TSPAN2: variants seen among roughly 807,000 people sequenced by gnomAD.
TSPAN2 encodes the protein tetraspanin-2.
In TSPAN2, 24 loss-of-function variants were observed where a neutral mutation model predicts 33.3. The observed-to-expected ratio is 0.72, with a 90% CI of 0.52 to 1.01. The LOEUF (loss-of-function observed/expected upper bound fraction) is 1.01. Among genes scored for constraint, TSPAN2 ranks in the 50% least tolerant of loss-of-function variants. The pLI, the probability that TSPAN2 is intolerant of heterozygous loss-of-function variation, is 0.00. For missense variants in TSPAN2, 278 were observed against 281.3 expected (o/e 0.99, Z 0.08); for synonymous variants, 114 against 104.5 (o/e 1.09, Z -0.56).
intron 2 of TSPAN2, among the ~76,000 whole-genome samples, chr1:115,063,367 T>G (rs1396401764): frequency 6.6e-6 from 1 of 152,156 alleles, no homozygotes; most frequent in Non-Finnish European, 1.5e-5. Flanking sequence ...AAAACCACAA[T>G]GAGATACCAT....
chr1:115,076,384 G>T (rs1648415096), intron 1 of TSPAN2, among the ~76,000 whole-genome samples: 2 of 152,168 alleles, frequency 1.3e-5, no homozygotes, highest in Non-Finnish European at 2.9e-5. Flanking sequence ...AGGTCTGCCT[G>T]AGGGGAGGAG....
chr1:115,082,771 G>T (rs912685261), intron 1 of TSPAN2, among the ~76,000 whole-genome samples: 4 of 152,048 alleles, frequency 2.6e-5, no homozygotes, highest in African/African-American at 9.7e-5. Flanking sequence ...CCTGATCACA[G>T]GCTTCAGATT....
At position 115,057,545 on chromosome 1, in the gene TSPAN2, C is replaced by T; in HGVS notation, c.508G>A (p.Gly170Arg). The T allele has an allele frequency of 6.2e-7, 1 of 1,614,094 alleles. No homozygotes were observed. The highest frequency in any genetic ancestry group is 8.5e-7 in the Non-Finnish European group (1 of 1,179,960). ...VQPTCPKELL[G>R]HKNCIDEIET... Reference sequence around the variant, plus strand: ...CCTTGGTAGAAGCTTACCTTGTGTCCTAGAAGCTCCTTTGGGCATGTAGGT... The same window carrying T: ...CCTTGGTAGAAGCTTACCTTGTGTCTTAGAAGCTCCTTTGGGCATGTAGGT... The change falls in exon 6 of 8, where the codon GGA (glycine) becomes AGA (arginine). Residue 170 changes from glycine (G) to arginine (R), a missense_variant. Transcript: ENST00000369516.
intron 2 of TSPAN2, among the ~76,000 whole-genome samples, chr1:115,063,721 A>T (rs565671562): frequency 6.6e-6 from 1 of 152,258 alleles, no homozygotes. Context: ...AATACTATGC[A>T]GCCATAAAAA....
At chr1:115,068,933 A>G (rs149884368) in intron 2 of TSPAN2, among the ~76,000 whole-genome samples, 1 of 152,302 alleles carries the variant, frequency 6.6e-6, no homozygotes, top group Non-Finnish European at 1.5e-5. Flanking sequence ...CTGTCAGCAA[A>G]CCTGGGTTCC....
chr1:115,058,866 G>A lies in TSPAN2; in HGVS notation c.444+17C>T, dbSNP rs1395314879. ...CTTTAGAAGCTGTGATTTTAAGGAA[G>A]AAGTGAAGTTACTCACTGTTGAGTG... On this transcript the variant is annotated intron_variant, in intron 5 of 7. Coordinates refer to ENST00000369516, the MANE Select transcript of TSPAN2 (RefSeq NM_005725.6). The A allele has an allele frequency of 6.4e-7, 1 of 1,562,510 alleles. No individual in the cohort carries two copies. Among genetic ancestry groups the A allele is most frequent in the East Asian group, 2.2e-5 (1 of 44,648 alleles).
rs1245980548 is a variant in TSPAN2 at position 115,060,450 on chromosome 1, G to A, written c.345+14C>T. On this transcript the variant is annotated intron_variant, in intron 4 of 7. Coordinates refer to ENST00000369516, the MANE Select transcript of TSPAN2 (RefSeq NM_005725.6). ...TAACCATCATAGAAAAACATTATAA[G>A]TAATTTTACTTACTACCCCCTTGCC... The A allele has an allele frequency of 2.5e-6, 4 of 1,595,644 alleles. No homozygotes were observed. The highest frequency in any genetic ancestry group is 3.4e-6 in the Non-Finnish European group (4 of 1,165,792).
chr1:115,082,469 G>T (rs1648663550), intron 1 of TSPAN2, among the ~76,000 whole-genome samples: 1 of 152,188 alleles, frequency 6.6e-6, no homozygotes, highest in South Asian at 2.1e-4. Flanking sequence ...GTTGTTGTGA[G>T]GATTAAATTA....
At chr1:115,056,542 C>A (rs923588248) in intron 6 of TSPAN2, among the ~76,000 whole-genome samples, 6 of 152,330 alleles carry the variant, frequency 3.9e-5, no homozygotes, top group Admixed American at 2.6e-4. Flanking sequence ...AGGCCTCCCC[C>A]TCCCGCTTTC....
chr1:115,064,609 G>A (rs1047645359), intron 2 of TSPAN2, among the ~76,000 whole-genome samples: 12 of 152,178 alleles, frequency 7.9e-5, no homozygotes, highest in African/African-American at 2.9e-4. Flanking sequence ...AACATGCCCT[G>A]CACAAGGCAG....
At chr1:115,071,689 C>T (rs1330160923) in intron 2 of TSPAN2, among the ~76,000 whole-genome samples, 1 of 152,196 alleles carries the variant, frequency 6.6e-6, no homozygotes, top group Admixed American at 6.5e-5. Context: ...CAAAGAGCCA[C>T]ATCTAAGATT....
chr1:115,064,911 A>G (rs1469128542), intron 2 of TSPAN2, among the ~76,000 whole-genome samples: 1 of 152,172 alleles, frequency 6.6e-6, no homozygotes, highest in African/African-American at 2.4e-5. Context: ...GTTGTTCCCC[A>G]CTGTAAATGA....
At chr1:115,080,071 G>T (rs909330190) in intron 1 of TSPAN2, among the ~76,000 whole-genome samples, 1 of 152,194 alleles carries the variant, frequency 6.6e-6, no homozygotes, top group Admixed American at 6.5e-5. Flanking sequence ...GTTTAGAAGT[G>T]CTGGAGAAAT....
At chr1:115,080,796 G>A (rs1020051481) in intron 1 of TSPAN2, among the ~76,000 whole-genome samples, 7 of 152,114 alleles carry the variant, frequency 4.6e-5, no homozygotes, top group Non-Finnish European at 7.4e-5. Context: ...TAGGTTCAGC[G>A]GACCTCCTCC....
intron 2 of TSPAN2, among the ~76,000 whole-genome samples, chr1:115,068,791 C>G (rs1415688201): frequency 6.6e-6 from 1 of 152,182 alleles, no homozygotes. Context: ...TTTCTACAAA[C>G]ATGTCTATTG....
At chr1:115,053,823 C>T (rs1647283093) in intron 6 of TSPAN2, among the ~76,000 whole-genome samples, 1 of 152,204 alleles carries the variant, frequency 6.6e-6, no homozygotes, top group South Asian at 2.1e-4. Flanking sequence ...AACAATAACT[C>T]TTTGTTTTCA....
chr1:115,067,320 G>A (rs1647989229), intron 2 of TSPAN2, among the ~76,000 whole-genome samples: 1 of 152,202 alleles, frequency 6.6e-6, no homozygotes, highest in South Asian at 2.1e-4. Context: ...GTCTAGAATT[G>A]ATGATTCCTG....
intron 5 of TSPAN2, 126 bp downstream of exon 5, chr1:115,058,757 A>T (rs961977445): frequency 1.6e-5 from 13 of 833,184 alleles, no homozygotes; most frequent in Non-Finnish European, 2.6e-5. Flanking sequence ...CAAAAGGGCT[A>T]AAATAGGTGG....
chr1:115,071,496 T>C (rs1346986415), intron 2 of TSPAN2, among the ~76,000 whole-genome samples: 2 of 152,182 alleles, frequency 1.3e-5, no homozygotes, highest in Admixed American at 6.5e-5. Context: ...TCTGAACGAA[T>C]TCTGGAAAGT....
Sources: gnomAD v4.1 joint callset for allele counts (sites outside exome capture counted in the v4.1 genomes callset) on GRCh38, gnomAD v4.1.1 for gene constraint, MANE v1.5 for transcripts, NCBI Gene and HGNC (gene_info 2026-07-23, HGNC 2026-07-21) for gene names.